PTPN23: variants seen among roughly 807,000 people sequenced by gnomAD.
The protein encoded by PTPN23 is tyrosine-protein phosphatase non-receptor type 23.
A neutral mutation model predicts 156.3 loss-of-function variants in PTPN23; 72 were observed. The ratio of observed to expected loss-of-function variants is 0.46; its 90% CI spans 0.38 to 0.56. The LOEUF is 0.56. PTPN23 is among the 20% of genes least tolerant of loss of function. The probability of loss-of-function intolerance (pLI) is 0.00; values close to 1 mark genes in which losing one functional copy is unlikely to be tolerated. For synonymous variants in PTPN23, 957 were observed against 899.6 expected, an observed-to-expected ratio of 1.06 and a Z score of -1.14; for missense variants, 1,974 against 2,171.5, an observed-to-expected ratio of 0.91 and a Z score of 1.81.
Position 47,409,469 on chromosome 3 carries a change from A to T in PTPN23, c.1850A>T (p.Glu617Val). The T allele has an allele frequency of 1.2e-6, 2 of 1,614,140 alleles. No individual in the cohort carries two copies. Among genetic ancestry groups the T allele is most frequent in the Non-Finnish European group, 1.7e-6 (2 of 1,180,016 alleles). ...TATGACCAGCTGAAGGTGTACCTGGAGCAGAACCTGGCCGCCCAGGACCGT... is the reference window on the plus strand; with the variant it reads ...TATGACCAGCTGAAGGTGTACCTGGTGCAGAACCTGGCCGCCCAGGACCGT... ...KKYDQLKVYL[E>V]QNLAAQDRVL... is the part of the protein sequence containing the mutation. The change falls in exon 18 of 25, where the codon GAG (glutamate) becomes GTG (valine). Residue 617 changes from glutamate (E) to valine (V), a missense_variant. This residue lies in a region of PTPN23 where 726 missense variants were observed against 929.5 expected (regional missense o/e 0.78). Transcript: ENST00000265562.
Position 47,407,044 on chromosome 3 carries a change from T to A in PTPN23, c.808-86T>A. 6.4e-7 allele frequency: 1 copy of A among 1,553,194 alleles called. No homozygotes were observed. Among genetic ancestry groups the A allele is most frequent in the Non-Finnish European group, 8.9e-7 (1 of 1,129,774 alleles). ...GCCTCCTGAGCTGCTTGTCATCTGA[T>A]GGACAGGCAGGGCCGGGTGGGAGGC... On this transcript the variant is annotated intron_variant, in intron 9 of 24. Coordinates refer to ENST00000265562, the MANE Select transcript of PTPN23 (RefSeq NM_015466.4). The surrounding 1 kb of genome is among the most constrained non-coding windows in gnomAD (Gnocchi z 4.0).
intron 2 of PTPN23, among the ~76,000 whole-genome samples, chr3:47,403,763 A>C (rs946434722): frequency 3.9e-5 from 6 of 151,968 alleles, no homozygotes. Flanking sequence ...TCCTGGCCTC[A>C]AGCGATCCTC....
intron 2 of PTPN23, among the ~76,000 whole-genome samples, chr3:47,403,902 C>T (rs989052809): frequency 6.6e-6 from 1 of 152,094 alleles, no homozygotes; most frequent in Admixed American, 6.6e-5. Flanking sequence ...CATTTGCTTT[C>T]CTGGAAGTCT....
rs753643352 is a variant in PTPN23, at chr3:47,410,231, T to C, written c.2433T>C (p.His811=). Residue 811 remains histidine, a synonymous_variant, in exon 20 of 25, where the codon CAT becomes CAC. Coordinates refer to ENST00000265562, the MANE Select transcript of PTPN23 (RefSeq NM_015466.4). ...QLIQPRAPGP[H]AMPVAPGPAL... Reference sequence around the variant, plus strand: ...TACAGCCCAGGGCCCCAGGGCCCCATGCAATGCCCGTAGCACCTGGGCCTG... The same window carrying C: ...TACAGCCCAGGGCCCCAGGGCCCCACGCAATGCCCGTAGCACCTGGGCCTG... The C allele has an allele frequency of 1.2e-6, 2 of 1,611,412 alleles. No individual in the cohort carries two copies. Among genetic ancestry groups the C allele is most frequent in the Non-Finnish European group, 1.7e-6 (2 of 1,178,838 alleles).
At chr3:47,383,884 T>G (rs1480573813) in intron 1 of PTPN23, among the ~76,000 whole-genome samples, 1 of 152,122 alleles carries the variant, frequency 6.6e-6, no homozygotes, top group Admixed American at 6.6e-5. Flanking sequence ...CTGGGGACTC[T>G]TCCCAACCTG....
In PTPN23 at chr3:47,412,779, T is replaced by C. The variant is rs1236988774; in HGVS notation, c.4505T>C (p.Ile1502Thr). ...CCCATCAGCTCCATCCAGGCCACCA[T>C]TGCCAAGCTCAGCATTCGGCCTCCT... ...DVPISSIQAT[I>T]AKLSIRPPGG... The change falls in exon 25 of 25, where the codon ATT becomes ACT. Residue 1502 changes from isoleucine to threonine, a missense_variant. Around this residue, in one of 4 missense-constraint regions of PTPN23, gnomAD observed 484 missense variants for 516.0 expected, o/e 0.94. Coordinates refer to ENST00000265562, the MANE Select transcript of PTPN23 (RefSeq NM_015466.4). 13 of 1,612,844 alleles carry C rather than the reference T, an allele frequency of 8.1e-6. No individual in the cohort carries two copies. The highest frequency in any genetic ancestry group is 3.3e-5 in the Admixed American group (2 of 59,950).
chr3:47,409,090 G>A lies in PTPN23; in HGVS notation c.1642+3G>A, dbSNP rs2107719649. 6.2e-7 allele frequency: 1 copy of A among 1,610,180 alleles called. No individual in the cohort carries two copies. Among genetic ancestry groups the A allele is most frequent in the Non-Finnish European group, 8.5e-7 (1 of 1,177,590 alleles). ...GCCCACACCGGCCCTCTCCCCAGGT[G>A]AGCCCCACCAGACCCCATTGGGAGA... is the stretch of plus-strand genomic sequence containing the variant. On this transcript the variant is annotated splice_donor_region_variant and intron_variant, in intron 16 of 24. Transcript: ENST00000265562.
Position 47,413,138 on chromosome 3 carries a change from G to C in PTPN23, c.4864G>C (p.Asp1622His). 1 of 1,612,748 alleles carries C rather than the reference G, an allele frequency of 6.2e-7. No individual in the cohort carries two copies. Among genetic ancestry groups the C allele is most frequent in the South Asian group, 1.1e-5 (1 of 91,074 alleles). The change falls in exon 25 of 25, where the codon GAC (aspartate) becomes CAC (histidine). Residue 1622 changes from aspartate (D) to histidine (H), a missense_variant. By Grantham distance (81) the Asp-to-His change is moderately conservative. Coordinates refer to ENST00000265562, the MANE Select transcript of PTPN23 (RefSeq NM_015466.4). ...GCTGCGGGCCACCCGGCCCTCTGAC[G>C]ACCCCCTCAGCCTTCTGGATCCACT... ...QGLRATRPSDDPLSLLDPLWT... is the reference protein window; with the variant it reads ...QGLRATRPSDHPLSLLDPLWT...
chr3:47,397,408 A>C (rs1163270508), intron 2 of PTPN23, among the ~76,000 whole-genome samples: 2 of 152,148 alleles, frequency 1.3e-5, no homozygotes, highest in Non-Finnish European at 2.9e-5. Flanking sequence ...TTTCCTGATT[A>C]TTGTATGTAC....
At chr3:47,396,450 C>G (rs1484453458) in intron 2 of PTPN23, among the ~76,000 whole-genome samples, 1 of 152,096 alleles carries the variant, frequency 6.6e-6, no homozygotes, top group Non-Finnish European at 1.5e-5. Context: ...TGTCATGTGC[C>G]TGTAGTTCCG....
rs752830909 is a variant in PTPN23, at chr3:47,411,723, G to C, written c.3888+37G>C. 6.3e-7 allele frequency: 1 copy of C among 1,594,402 alleles called. No homozygotes were observed. The highest frequency in any genetic ancestry group is 1.1e-5 in the South Asian group (1 of 89,256). The stretch of plus-strand genomic sequence containing the variant: ...GGGTGGGTGCCCACGAGGGCAGTGT[G>C]GGGTGGCAGGGCAGGGGATCCTGGA... On this transcript the variant is annotated intron_variant, in intron 20 of 24. Coordinates refer to ENST00000265562, the MANE Select transcript of PTPN23 (RefSeq NM_015466.4). This position sits in a 1 kb window ranked among gnomAD's most constrained non-coding sequence, Gnocchi z 6.3.
rs758670646 is a variant in PTPN23, at chr3:47,408,596, C to T, written c.1330+106C>T. On this transcript the variant is annotated intron_variant, in intron 15 of 24. Transcript: ENST00000265562. ...AGGATGGAGGCTGCACCCCTCTAGGCCCTGGCTTGGGCATCCACACCCACT... is the reference window on the plus strand; with the variant it reads ...AGGATGGAGGCTGCACCCCTCTAGGTCCTGGCTTGGGCATCCACACCCACT... 9 of 1,494,478 alleles carry T rather than the reference C, an allele frequency of 6.0e-6. No homozygotes were observed. In the South Asian group the frequency reaches 9.2e-5, roughly 15 times the overall value. The allele number at this position is 1,494,478 out of a possible 1,614,324, so 92.6% of individuals were successfully genotyped here.
chr3:47,406,269 A>AGGGGAAGCGGGAGGCCTT lies in PTPN23; in HGVS notation c.547-52_547-35dup, dbSNP rs1387344900. On this transcript the variant is annotated intron_variant, in intron 6 of 24. Coordinates refer to ENST00000265562, the MANE Select transcript of PTPN23 (RefSeq NM_015466.4). This position sits in a 1 kb window ranked among gnomAD's most constrained non-coding sequence, Gnocchi z 5.8. ...CTGCCCCTGGGGAAGGATAAAGGGA[A>AGGGGAAGCGGGAGGCCTT]GGGGAAGCGGGAGGCCTTGGGTGAG... is the stretch of plus-strand genomic sequence containing the variant. The AGGGGAAGCGGGAGGCCTT allele has an allele frequency of 8.8e-5, 140 of 1,592,296 alleles. No homozygotes were observed. The African/African-American group carries it at 1.6e-3, about 18-fold the overall frequency.
At chr3:47,388,461 C>T (rs972805715) in intron 1 of PTPN23, among the ~76,000 whole-genome samples, 5 of 152,048 alleles carry the variant, frequency 3.3e-5, no homozygotes, top group African/African-American at 9.7e-5. Flanking sequence ...TAAGTATATA[C>T]ACCTACTATG....
rs1170961604 is a variant in PTPN23 at position 47,405,651 on chromosome 3, G to A, written c.365-98G>A. 3.1e-6 allele frequency: 4 copies of A among 1,277,874 alleles called. No homozygotes were observed. The highest frequency in any genetic ancestry group is 3.3e-6 in the Non-Finnish European group (3 of 906,978). The allele number at this position is 1,277,874 out of a possible 1,614,324, so 79.2% of individuals were successfully genotyped here. A position where few individuals can be genotyped will look rare whatever the true frequency, so the allele number is the denominator to read the frequency against. On this transcript the variant is annotated intron_variant, in intron 4 of 24. Coordinates refer to ENST00000265562, the MANE Select transcript of PTPN23 (RefSeq NM_015466.4). This position sits in a 1 kb window ranked among gnomAD's most constrained non-coding sequence, Gnocchi z 4.7. The stretch of plus-strand genomic sequence containing the variant: ...TCGTTGCCCTGGTTCTCAGAGCCAT[G>A]TTGTCCTGATTGTGGATAACAGCAG...
rs888725344 is a variant in PTPN23 at position 47,381,068 on chromosome 3, G to T, written c.-29G>T. On this transcript the variant is annotated 5_prime_UTR_variant, in exon 1 of 25. Transcript: ENST00000265562. Reference sequence around the variant, plus strand: ...CAGCAGCTGCAGCAGCTACGGGAGTGGCCGGGTGGCCGGCGGGTGCCAGCC... The same window carrying T: ...CAGCAGCTGCAGCAGCTACGGGAGTTGCCGGGTGGCCGGCGGGTGCCAGCC... 1.3e-6 allele frequency: 2 copies of T among 1,553,522 alleles called. No individual in the cohort carries two copies. Among genetic ancestry groups the T allele is most frequent in the Non-Finnish European group, 1.7e-6 (2 of 1,148,056 alleles).
chr3:47,387,587 A>T (rs1704682532), intron 1 of PTPN23, among the ~76,000 whole-genome samples: 2 of 133,744 alleles, frequency 1.5e-5, no homozygotes, highest in South Asian at 4.9e-4. Context: ...AAAAAAAAAA[A>T]GTTTGTTTCT....
At chr3:47,381,846 C>A (rs1459756844) in intron 1 of PTPN23, among the ~76,000 whole-genome samples, 3 of 152,130 alleles carry the variant, frequency 2.0e-5, no homozygotes, top group East Asian at 3.8e-4. Context: ...TCAGAGAAAT[C>A]TTACTGTGTT....
chr3:47,410,791 A>G lies in PTPN23; in HGVS notation c.2993A>G (p.Tyr998Cys). 1 of 1,477,098 alleles carries G rather than the reference A, an allele frequency of 6.8e-7. No individual in the cohort carries two copies. The highest frequency in any genetic ancestry group is 9.1e-7 in the Non-Finnish European group (1 of 1,104,266). 91.5% of individuals were successfully genotyped at this position (1,477,098 alleles called of 1,614,324 possible). ...APGLLPPQSP[Y>C]PYAPQPGVLG... The stretch of plus-strand genomic sequence containing the variant: ...GGACTCCTACCCCCACAATCCCCCT[A>G]CCCCTATGCCCCTCAGCCTGGGGTC... The change falls in exon 20 of 25, where the codon TAC (tyrosine) becomes TGC (cysteine). Residue 998 changes from tyrosine to cysteine, a missense_variant. Tyr to Cys is a radical substitution (Grantham distance 194). Around this residue, in one of 4 missense-constraint regions of PTPN23, gnomAD observed 731 missense variants for 669.1 expected, o/e 1.09. Coordinates refer to ENST00000265562, the MANE Select transcript of PTPN23 (RefSeq NM_015466.4).
Sources: gnomAD v4.1 joint callset for allele counts (sites outside exome capture counted in the v4.1 genomes callset) on GRCh38, gnomAD v4.1.1 for gene constraint, gnomAD v4.1.1 regional missense constraint, Gnocchi (gnomAD v3.1) non-coding constraint, MANE v1.5 for transcripts, NCBI Gene and HGNC (gene_info 2026-07-23, HGNC 2026-07-21) for gene names.